GRIP1: variants seen among roughly 807,000 people sequenced by gnomAD.
The protein encoded by GRIP1 is glutamate receptor-interacting protein 1.
Under a neutral mutation model 129.9 loss-of-function variants are expected in GRIP1, and 45 were observed. The ratio of observed to expected loss-of-function variants is 0.35; its 90% CI spans 0.27 to 0.44. The LOEUF is 0.44. Ranked by LOEUF, GRIP1 falls within the 20% of genes least tolerant of loss-of-function variation. The probability of loss-of-function intolerance (pLI) is 1.00; values close to 1 mark genes in which losing one functional copy is unlikely to be tolerated. For synonymous variants in GRIP1, 530 were observed against 520.8 expected (o/e 1.02, Z -0.24); for missense variants, 1,196 against 1,396.8 (o/e 0.86, Z 2.29).
rs1165081869 is a variant in GRIP1 at position 66,859,260 on chromosome 12, AAAAAAAACAAAAAAAC to A, written c.58+209774_58+209789del. On this transcript the variant is annotated intron_variant, in intron 1 of 1. Coordinates refer to the GRIP1 transcript ENST00000643019. ...ACTAGCATATTCTCCACATTTTCTGAAAAAAAACAAAAAAACAAAAAAACAAAAAAACAAAAAAACA... is the reference window on the plus strand; with the variant it reads ...ACTAGCATATTCTCCACATTTTCTGAAAAAAAACAAAAAAACAAAAAAACA... 5.4e-4 allele frequency among the ~76,000 whole-genome samples: 37 copies of A among 68,240 alleles called. 1 individual carries two copies. The highest frequency in any genetic ancestry group is 1.4e-3 in the African/African-American group (36 of 26,026). 44.8% of individuals were successfully genotyped at this position (68,240 alleles called of 152,430 possible). A position where few individuals can be genotyped will look rare whatever the true frequency, so the allele number is the denominator to read the frequency against.
chr12:66,950,472 T>C (rs765145785), intron 1 of GRIP1, among the ~76,000 whole-genome samples: 1 of 152,178 alleles, frequency 6.6e-6, no homozygotes. Flanking sequence ...AACATTTATA[T>C]CTATTAAAAG....
At chr12:67,066,734 G>A (rs969485342) in intron 1 of GRIP1, among the ~76,000 whole-genome samples, 1 of 151,606 alleles carries the variant, frequency 6.6e-6, no homozygotes, top group Non-Finnish European at 1.5e-5. Context: ...AAGGGTCAAG[G>A]GAAAAGCTTA....
At chr12:66,925,354 A>G (rs1484310736) in intron 1 of GRIP1, among the ~76,000 whole-genome samples, 1 of 152,224 alleles carries the variant, frequency 6.6e-6, no homozygotes. Flanking sequence ...TGGGCAATTG[A>G]TAAGTATGCT....
chr12:67,029,103 C>CA lies in GRIP1; in HGVS notation c.58+39946dup, dbSNP rs920693783. On this transcript the variant is annotated intron_variant, in intron 1 of 1. Transcript: ENST00000643019. The stretch of plus-strand genomic sequence containing the variant: ...GGGCAAAATAGTGAGACTGTCTCTA[C>CA]AAAAAAAATAAATTAAAAAAAATTT... 4.0e-5 allele frequency among the ~76,000 whole-genome samples: 6 copies of CA among 151,586 alleles called. No homozygotes were observed. In the East Asian group the frequency reaches 1.2e-3, roughly 29 times the overall value.
chr12:67,023,190 T>C (rs1022186774), intron 1 of GRIP1, among the ~76,000 whole-genome samples: 1 of 152,212 alleles, frequency 6.6e-6, no homozygotes, highest in Non-Finnish European at 1.5e-5. Context: ...ATAACTTATC[T>C]AAGAAATTTT....
At chr12:66,951,949 T>G (rs2041764597) in intron 1 of GRIP1, among the ~76,000 whole-genome samples, 1 of 152,176 alleles carries the variant, frequency 6.6e-6, no homozygotes, top group Admixed American at 6.5e-5. Flanking sequence ...GACATTTGGA[T>G]AGTCAAATTT....
At chr12:67,069,078 G>A (rs928511514) in exon 1 of GRIP1, 4 of 984,628 alleles carry the variant, frequency 4.1e-6, no homozygotes, top group African/African-American at 1.8e-5. Flanking sequence ...CCTGCAAGCA[G>A]ATAGGGATAT....
chr12:66,965,596 T>TGAGA (rs1555255819), intron 1 of GRIP1, among the ~76,000 whole-genome samples: 1 of 146,754 alleles, frequency 6.8e-6, no homozygotes, highest in African/African-American at 2.5e-5. Flanking sequence ...TGTGTGTGTG[T>TGAGA]GAGATATTAT....
chr12:67,035,224 C>T (rs1182414992), intron 1 of GRIP1, among the ~76,000 whole-genome samples: 1 of 152,114 alleles, frequency 6.6e-6, no homozygotes, highest in African/African-American at 2.4e-5. Context: ...AAACGTGTTT[C>T]CTCCATGCAG....
chr12:66,736,346 ATTT>A (rs547706592), intron 1 of GRIP1, among the ~76,000 whole-genome samples: 2 of 67,012 alleles, frequency 3.0e-5, no homozygotes, highest in African/African-American at 6.5e-5. Flanking sequence ...TGCCTGGCTA[ATTT>A]TTTTTTTTTT....
At chr12:66,524,294 C>G (rs912527894) in intron 5 of GRIP1, among the ~76,000 whole-genome samples, 7 of 152,190 alleles carry the variant, frequency 4.6e-5, no homozygotes, top group African/African-American at 1.7e-4. Flanking sequence ...CACCCCTCAG[C>G]AAATGTAAAA....
At chr12:66,600,374 A>G (rs2064226844) in intron 1 of GRIP1, among the ~76,000 whole-genome samples, 1 of 152,236 alleles carries the variant, frequency 6.6e-6, no homozygotes, top group African/African-American at 2.4e-5. Context: ...AAAAGGTCAA[A>G]TGACAAGGAA....
At chr12:66,884,354 C>T (rs1241637835) in intron 1 of GRIP1, among the ~76,000 whole-genome samples, 3 of 152,080 alleles carry the variant, frequency 2.0e-5, no homozygotes, top group Non-Finnish European at 2.9e-5. Flanking sequence ...TTATGTAAAG[C>T]GTATCATCGA....
At chr12:66,817,071 A>G (rs1016552747) in intron 1 of GRIP1, among the ~76,000 whole-genome samples, 9 of 152,102 alleles carry the variant, frequency 5.9e-5, no homozygotes, top group Non-Finnish European at 1.2e-4. Flanking sequence ...TACCAAGTCA[A>G]ACAAAATTAA....
At chr12:66,469,399 G>A (rs2059374571) in intron 7 of GRIP1, among the ~76,000 whole-genome samples, 2 of 152,142 alleles carry the variant, frequency 1.3e-5, no homozygotes, top group South Asian at 4.1e-4. Flanking sequence ...GAAGAGATGA[G>A]TAGCTAGATA....
chr12:67,030,582 A>AT (rs2043008368), intron 1 of GRIP1, among the ~76,000 whole-genome samples: 3 of 152,182 alleles, frequency 2.0e-5, no homozygotes, highest in Non-Finnish European at 4.4e-5. Flanking sequence ...ACTATTTCCC[A>AT]TACTCCCTCA....
intron 1 of GRIP1, among the ~76,000 whole-genome samples, chr12:66,643,030 C>A (rs1170711080): frequency 1.3e-5 from 2 of 152,100 alleles, no homozygotes; most frequent in African/African-American, 4.8e-5. Context: ...TAAAACAAGA[C>A]AAGCAGATGC....
intron 1 of GRIP1, among the ~76,000 whole-genome samples, chr12:66,851,312 C>T (rs1355518270): frequency 2.0e-5 from 3 of 151,876 alleles, no homozygotes; most frequent in East Asian, 1.9e-4. Context: ...AGTAAAAGCA[C>T]GAACATTGGT....
intron 7 of GRIP1, among the ~76,000 whole-genome samples, chr12:66,492,242 A>G (rs1225559071): frequency 6.6e-6 from 1 of 152,140 alleles, no homozygotes; most frequent in African/African-American, 2.4e-5. Context: ...AACCACTCAG[A>G]TTTCCTAAAA....
Sources: allele counts gnomAD v4.1 joint callset (sites outside exome capture counted in the v4.1 genomes callset), GRCh38; gene constraint gnomAD v4.1.1; transcripts MANE v1.5; gene names NCBI Gene and HGNC (gene_info 2026-07-23, HGNC 2026-07-21).